The following RBFOX1 variants were observed in gnomAD, a reference collection of about 807,000 sequenced individuals.
RBFOX1 encodes RNA binding fox-1 homolog 1, also known as RNA binding protein fox-1 homolog 1.
RBFOX1 carries 8 observed loss-of-function variants against 57.7 expected under a neutral mutation model. That is an observed-to-expected ratio of 0.14 (90% CI 0.08 to 0.25). The LOEUF (loss-of-function observed/expected upper bound fraction) is 0.25. Ranked by LOEUF, RBFOX1 falls within the 10% of genes least tolerant of loss-of-function variation. RBFOX1 has a pLI of 1.00. For synonymous variants in RBFOX1, 326 were observed against 222.4 expected (o/e 1.47, Z -4.15); for missense variants, 611 against 548.5 (o/e 1.11, Z -1.14).
intron 3 of RBFOX1, among the ~76,000 whole-genome samples, chr16:6,768,699 A>G (rs1411341450): frequency 1.3e-5 from 2 of 149,864 alleles, no homozygotes; most frequent in East Asian, 3.9e-4. Context: ...ATGTACCTAT[A>G]TATATATATG....
At chr16:7,676,534 T>C (rs1298333093) in intron 13 of RBFOX1, among the ~76,000 whole-genome samples, 1 of 152,208 alleles carries the variant, frequency 6.6e-6, no homozygotes. Flanking sequence ...CAAGGGCCTC[T>C]AGGCTCTTCT....
chr16:5,443,968 C>T (rs545812507), intron 1 of RBFOX1, among the ~76,000 whole-genome samples: 238 of 152,230 alleles, frequency 1.6e-3, no homozygotes, highest in African/African-American at 5.5e-3. Flanking sequence ...TGTCAACCAT[C>T]GGCTCATGAA....
chr16:5,775,335 G>C (rs1016946821), intron 3 of RBFOX1, among the ~76,000 whole-genome samples: 1 of 152,060 alleles, frequency 6.6e-6, no homozygotes, highest in Non-Finnish European at 1.5e-5. Flanking sequence ...CAAGTTTTCT[G>C]GGCCTGATGT....
chr16:5,644,571 G>A (rs549002250), intron 3 of RBFOX1, among the ~76,000 whole-genome samples: 9 of 152,324 alleles, frequency 5.9e-5, no homozygotes, highest in South Asian at 4.1e-4. Flanking sequence ...GAACTCAGCC[G>A]TGTCTCTGAT....
At chr16:5,790,662 A>T (rs1021948213) in intron 3 of RBFOX1, among the ~76,000 whole-genome samples, 2 of 152,096 alleles carry the variant, frequency 1.3e-5, no homozygotes, top group Non-Finnish European at 2.9e-5. Context: ...TCCCTCCTGG[A>T]TGAAGACAAC....
At chr16:5,757,260 T>TGTCA (rs1204222485) in intron 3 of RBFOX1, among the ~76,000 whole-genome samples, 1 of 135,988 alleles carries the variant, frequency 7.4e-6, no homozygotes, top group Non-Finnish European at 1.5e-5. Context: ...GGAGATGGAG[T>TGTCA]GTCACTCTGT....
intron 4 of RBFOX1, among the ~76,000 whole-genome samples, chr16:7,171,399 G>C (rs535485368): frequency 2.0e-5 from 3 of 152,130 alleles, no homozygotes; most frequent in Non-Finnish European, 4.4e-5. Context: ...TCCTGCCACC[G>C]CTAATGTCAC....
At chr16:7,510,817 G>C (rs1173308541) in intron 4 of RBFOX1, among the ~76,000 whole-genome samples, 3 of 152,158 alleles carry the variant, frequency 2.0e-5, no homozygotes, top group Non-Finnish European at 2.9e-5. Flanking sequence ...CCATGCTGGT[G>C]GGGGGTCCCA....
chr16:6,096,953 T>C (rs386468172), intron 1 of RBFOX1, among the ~76,000 whole-genome samples: 83 of 152,288 alleles, frequency 5.5e-4, no homozygotes, highest in Non-Finnish European at 1.0e-3. Flanking sequence ...ACTCCTGGTA[T>C]GGTTTGGCTG....
At chr16:5,240,543 T>G (rs545127819) in intron 1 of RBFOX1, among the ~76,000 whole-genome samples, 1 of 152,278 alleles carries the variant, frequency 6.6e-6, no homozygotes, top group Admixed American at 6.5e-5. Flanking sequence ...CCTGCTCTGC[T>G]GGGCTGCGGG....
chr16:5,856,137 A>T (rs1597505323), intron 3 of RBFOX1, among the ~76,000 whole-genome samples: 1 of 121,700 alleles, frequency 8.2e-6, no homozygotes. Flanking sequence ...ATTTTTTTCC[A>T]GGAGTCTTTA....
intron 3 of RBFOX1, among the ~76,000 whole-genome samples, chr16:6,931,480 T>G (rs181847084): frequency 2.6e-4 from 40 of 152,202 alleles, no homozygotes; most frequent in African/African-American, 9.6e-4. Flanking sequence ...ATCCCAGAAG[T>G]AGAACCTACT....
intron 2 of RBFOX1, among the ~76,000 whole-genome samples, chr16:5,488,261 G>GTGA (rs2151663331): frequency 1.8e-5 from 1 of 56,796 alleles, no homozygotes. Context: ...GAGGATTATG[G>GTGA]TGATGATGGT....
chr16:6,771,089 C>G (rs532275447), intron 3 of RBFOX1, among the ~76,000 whole-genome samples: 1 of 151,892 alleles, frequency 6.6e-6, no homozygotes, highest in East Asian at 1.9e-4. Flanking sequence ...TGTTTGGTGT[C>G]CTTATAAGAA....
At chr16:6,529,503 A>T (rs764959198) in intron 2 of RBFOX1, among the ~76,000 whole-genome samples, 1 of 151,974 alleles carries the variant, frequency 6.6e-6, no homozygotes, top group African/African-American at 2.4e-5. Flanking sequence ...AGGTTGCAGT[A>T]AGTCGACATT....
chr16:5,837,252 GTT>G (rs112626364), intron 3 of RBFOX1, among the ~76,000 whole-genome samples: 1 of 145,326 alleles, frequency 6.9e-6, no homozygotes. Context: ...ACTTTTCTCA[GTT>G]TTTTTTTTTT....
intron 5 of RBFOX1, among the ~76,000 whole-genome samples, chr16:7,533,257 T>C (rs1248921732): frequency 6.6e-6 from 1 of 152,212 alleles, no homozygotes; most frequent in Non-Finnish European, 1.5e-5. Context: ...AAAAATTCTT[T>C]CCATCAAACT....
At chr16:7,088,393 G>C (rs2060305291) in intron 4 of RBFOX1, among the ~76,000 whole-genome samples, 1 of 152,178 alleles carries the variant, frequency 6.6e-6, no homozygotes, top group African/African-American at 2.4e-5. Context: ...GAGTGCTGTA[G>C]AGGAGAGTAG....
intron 13 of RBFOX1, among the ~76,000 whole-genome samples, chr16:7,665,778 A>G (rs2145743931): frequency 6.6e-6 from 1 of 152,330 alleles, no homozygotes; most frequent in South Asian, 2.1e-4. Flanking sequence ...AAAAGACCTC[A>G]GTCAATGGGA....
Sources: allele counts gnomAD v4.1 joint callset (sites outside exome capture counted in the v4.1 genomes callset), GRCh38; gene constraint gnomAD v4.1.1; transcripts MANE v1.5; gene names NCBI Gene and HGNC (gene_info 2026-07-23, HGNC 2026-07-21).